CAPN9: variants seen among roughly 807,000 people sequenced by gnomAD.
CAPN9 encodes calpain 9, also known as calpain-9.
CAPN9 carries 81 observed loss-of-function variants against 92.8 expected under a neutral mutation model. The observed-to-expected ratio is 0.87, with a 90% confidence interval of 0.73 to 1.05. The LOEUF is 1.05. Among genes scored for constraint, CAPN9 ranks in the 50% least tolerant of loss-of-function variants. CAPN9 has a pLI of 0.00. For missense variants in CAPN9, 848 were observed against 866.2 expected, an observed-to-expected ratio of 0.98 and a Z score of 0.26; for synonymous variants, 304 against 328.0, an observed-to-expected ratio of 0.93 and a Z score of 0.79.
At position 230,751,297 on chromosome 1, in the gene CAPN9, C is replaced by G. The variant is rs572618953; in HGVS notation, c.213+3588C>G. ...GCCCCATGGCCTCCACAGTGCTGGGCACATGACAGGGATCGGCACATAGCT... is the reference window on the plus strand; with the variant it reads ...GCCCCATGGCCTCCACAGTGCTGGGGACATGACAGGGATCGGCACATAGCT... On this transcript the variant is annotated intron_variant, in intron 1 of 19. Transcript: ENST00000271971. Among the ~76,000 whole-genome samples, 6 of 152,258 alleles carry G rather than the reference C, an allele frequency of 3.9e-5. No individual in the cohort carries two copies. In the South Asian group the frequency reaches 1.2e-3, roughly 32 times the overall value.
intron 9 of CAPN9, among the ~76,000 whole-genome samples, chr1:230,779,917 G>C (rs1226397800): frequency 6.6e-6 from 1 of 152,132 alleles, no homozygotes; most frequent in Non-Finnish European, 1.5e-5. Flanking sequence ...TTAAGAAACT[G>C]CATAGGAAAT....
At chr1:230,769,286 G>T in intron 6 of CAPN9, 23 bp downstream of exon 6, 2 of 1,526,254 alleles carry the variant, frequency 1.3e-6, no homozygotes, top group Non-Finnish European at 9.1e-7. Flanking sequence ...AACTCCAACT[G>T]CAGGCTATGG....
At chr1:230,782,289 T>C (rs1933632) in intron 11 of CAPN9, among the ~76,000 whole-genome samples, 25,581 of 152,212 alleles carry the variant, frequency 0.17, 2,270 homozygotes, top group Middle Eastern at 0.22. Context: ...GAGCTGTGTT[T>C]GCATTGGTTT....
intron 11 of CAPN9, 30 bp from the exon 12 acceptor site, chr1:230,785,951 T>C (rs1667551726): frequency 6.2e-6 from 10 of 1,610,716 alleles, no homozygotes; most frequent in Middle Eastern, 1.7e-4. Context: ...TAATCCACAA[T>C]TGAGGCAGTG....
intron 17 of CAPN9, 46 bp from the exon 18 acceptor site, chr1:230,795,117 G>C (rs75905971): frequency 1.6e-6 from 2 of 1,251,280 alleles, no homozygotes; most frequent in Admixed American, 1.7e-5. Context: ...ACTCACCTCG[G>C]GGCTCGGATA....
Position 230,792,592 on chromosome 1 carries a change from G to A in CAPN9, c.1791+98G>A, listed in dbSNP as rs979826848. ...GCAGCAGGCTGCAGGCTATAGGCTA[G>A]AGGAATTGTATTCGGACAGGGGAGA... On this transcript the variant is annotated intron_variant, in intron 16 of 19. Transcript: ENST00000271971. 1.1e-5 allele frequency: 11 copies of A among 987,534 alleles called. No homozygotes were observed. In the African/African-American group the frequency reaches 1.8e-4, roughly 16 times the overall value. The allele number at this position is 987,534 out of a possible 1,614,324, so 61.2% of individuals were successfully genotyped here. A position where few individuals can be genotyped will look rare whatever the true frequency, so the allele number is the denominator to read the frequency against.
intron 9 of CAPN9, 82 bp from the exon 10 acceptor site, chr1:230,780,097 T>C: frequency 3.4e-6 from 3 of 871,168 alleles, no homozygotes; most frequent in South Asian, 3.3e-5. Context: ...TGTGTGTGTG[T>C]GTGTGTGTGT....
chr1:230,753,630 G>A (rs1887209), intron 1 of CAPN9, among the ~76,000 whole-genome samples: 42,504 of 152,008 alleles, frequency 0.28, 6,544 homozygotes, highest in African/African-American at 0.41. Context: ...AGCTCCCCAC[G>A]TGGCGTCCGC....
intron 19 of CAPN9, among the ~76,000 whole-genome samples, chr1:230,800,769 AT>A (rs1301232490): frequency 1.3e-5 from 2 of 152,160 alleles, no homozygotes; most frequent in Admixed American, 1.3e-4. Flanking sequence ...AGGCCCAAGC[AT>A]TGTTTTTCTT....
In CAPN9 at chr1:230,767,793, G is replaced by C. The variant is rs560253000; in HGVS notation, c.705+84G>C. On this transcript the variant is annotated intron_variant, in intron 5 of 19. Transcript: ENST00000271971. ...AGGCACTATGCTGGGGCTGTACCAGGTACCCCAGCCACACCCAAGGAGGGG... is the reference window on the plus strand; with the variant it reads ...AGGCACTATGCTGGGGCTGTACCAGCTACCCCAGCCACACCCAAGGAGGGG... 23 of 1,310,014 alleles carry C rather than the reference G, an allele frequency of 1.8e-5. No individual in the cohort carries two copies. In the South Asian group the frequency reaches 2.7e-4, roughly 16 times the overall value. 81.1% of individuals were successfully genotyped at this position (1,310,014 alleles called of 1,614,324 possible).
At chr1:230,775,916 CAAA>C (rs34406575) in intron 8 of CAPN9, among the ~76,000 whole-genome samples, 14 of 110,524 alleles carry the variant, frequency 1.3e-4, no homozygotes, top group African/African-American at 2.8e-4. Context: ...TACTCCATCT[CAAA>C]AAAAAAAAAA....
chr1:230,767,412 C>A, intron 4 of CAPN9, 129 bp from the exon 5 acceptor site: 2 of 713,654 alleles, frequency 2.8e-6, no homozygotes, highest in Non-Finnish European at 2.3e-6. Context: ...CGTCTTCCTT[C>A]CACACCACCC....
chr1:230,775,776 G>A (rs1359787411), intron 8 of CAPN9, among the ~76,000 whole-genome samples: 3 of 152,110 alleles, frequency 2.0e-5, no homozygotes, highest in Non-Finnish European at 2.9e-5. Flanking sequence ...AATTAGCCAG[G>A]GGTGGTGGTG....
chr1:230,762,791 G>A lies in CAPN9; in HGVS notation c.536+5G>A, dbSNP rs554088932. ...GCTGGAAAAAGCCTACGCCAAGTGA[G>A]TGACAGCTTCCCCAGCTCAGGCAGC... On this transcript the variant is annotated splice_donor_5th_base_variant and intron_variant, in intron 4 of 19. Transcript: ENST00000271971. 11 of 1,613,672 alleles carry A rather than the reference G, an allele frequency of 6.8e-6. No individual in the cohort carries two copies. Among genetic ancestry groups the A allele is most frequent in the Admixed American group, 1.7e-5 (1 of 59,966 alleles).
At chr1:230,764,813 G>A (rs1293484615) in intron 4 of CAPN9, among the ~76,000 whole-genome samples, 2 of 152,234 alleles carry the variant, frequency 1.3e-5, no homozygotes, top group Non-Finnish European at 2.9e-5. Flanking sequence ...GAGGAGGCCA[G>A]AATGATCCAT....
chr1:230,800,070 C>T lies in CAPN9; in HGVS notation c.2047-1500C>T, dbSNP rs1053993763. On this transcript the variant is annotated intron_variant, in intron 19 of 19. Coordinates refer to ENST00000271971, the MANE Select transcript of CAPN9 (RefSeq NM_006615.3). ...GCGGGCGCCTGTAGTCCCAGCTACT[C>T]GGGAGGCTGAGGCAGGAGAATGGCA... Among the ~76,000 whole-genome samples, 13 of 150,396 alleles carry T rather than the reference C, an allele frequency of 8.6e-5. 1 individual carries two copies. In the East Asian group the frequency reaches 2.2e-3, roughly 25 times the overall value.
At chr1:230,766,016 T>C (rs1397542853) in intron 4 of CAPN9, among the ~76,000 whole-genome samples, 3 of 152,196 alleles carry the variant, frequency 2.0e-5, no homozygotes, top group Non-Finnish European at 2.9e-5. Flanking sequence ...GCAGGTACTC[T>C]TGATATCATG....
chr1:230,801,560 C>G lies in CAPN9; in HGVS notation c.2047-10C>G, dbSNP rs190745152. On this transcript the variant is annotated splice_polypyrimidine_tract_variant and intron_variant, in intron 19 of 19. Coordinates refer to ENST00000271971, the MANE Select transcript of CAPN9 (RefSeq NM_006615.3). ...ACAACGACCCCTCATCTCTCTCTCTCTCTTCCCAGTTCATCCATTTGACAA... is the reference window on the plus strand; with the variant it reads ...ACAACGACCCCTCATCTCTCTCTCTGTCTTCCCAGTTCATCCATTTGACAA... 1 of 1,613,880 alleles carries G rather than the reference C, an allele frequency of 6.2e-7. No individual in the cohort carries two copies. Among genetic ancestry groups the G allele is most frequent in the Non-Finnish European group, 8.5e-7 (1 of 1,179,766 alleles).
At chr1:230,771,127 C>A (rs1372919944) in intron 6 of CAPN9, among the ~76,000 whole-genome samples, 1 of 152,204 alleles carries the variant, frequency 6.6e-6, no homozygotes, top group African/African-American at 2.4e-5. Context: ...CCTCTCCCCC[C>A]TACAAGGAAC....
Sources: allele counts gnomAD v4.1 joint callset (sites outside exome capture counted in the v4.1 genomes callset), GRCh38; gene constraint gnomAD v4.1.1; transcripts MANE v1.5; gene names NCBI Gene and HGNC (gene_info 2026-07-23, HGNC 2026-07-21).